SLC31A1: variants seen among roughly 807,000 people sequenced by gnomAD.
SLC31A1 encodes the protein solute carrier family 31 member 1, also known as high affinity copper uptake protein 1.
Under a neutral mutation model 17.2 loss-of-function variants are expected in SLC31A1, and 5 were observed. The ratio of observed to expected loss-of-function variants is 0.29; its 90% CI spans 0.15 to 0.61. The LOEUF (loss-of-function observed/expected upper bound fraction) is 0.61. Among genes scored for constraint, SLC31A1 ranks in the 20% least tolerant of loss-of-function variants. The pLI is 0.86. For missense variants in SLC31A1, 161 were observed against 241.4 expected (o/e 0.67, Z 2.21); for synonymous variants, 76 against 78.8 (o/e 0.96, Z 0.19).
chr9:113,257,676 C>T lies in SLC31A1; in HGVS notation c.202+491C>T, dbSNP rs144329210. Among the ~76,000 whole-genome samples the T allele has an allele frequency of 2.7e-3, 410 of 151,782 alleles. 9 individuals are homozygous for T. The East Asian group carries it at 0.066, about 24-fold the overall frequency. On this transcript the variant is annotated intron_variant, in intron 3 of 4. Transcript: ENST00000374212. ...CTAATTTTTGTATTTTTAATAGAGA[C>T]GGGGTTTTGCCATGTTTGCCAGGCT...
rs1831589883 is a variant in SLC31A1, at chr9:113,247,136, G to A, written c.-35-8978G>A. 3.9e-5 allele frequency among the ~76,000 whole-genome samples: 6 copies of A among 152,138 alleles called. No homozygotes were observed. The South Asian group carries it at 1.2e-3, about 32-fold the overall frequency. On this transcript the variant is annotated intron_variant, in intron 1 of 4. Coordinates refer to ENST00000374212, the MANE Select transcript of SLC31A1 (RefSeq NM_001859.4). ...TACTGTCTTTGACCTTGAATTTTCT[G>A]TATAAGTGCTTGCCAGAAACTTACA...
At chr9:113,257,640 G>A (rs1038825232) in intron 3 of SLC31A1, among the ~76,000 whole-genome samples, 30 of 151,800 alleles carry the variant, frequency 2.0e-4, no homozygotes, top group Non-Finnish European at 3.4e-4. Flanking sequence ...GGCACCTACC[G>A]CCATGCCTGG....
intron 1 of SLC31A1, among the ~76,000 whole-genome samples, chr9:113,240,500 A>T (rs1463803917): frequency 6.6e-6 from 1 of 152,156 alleles, no homozygotes; most frequent in Admixed American, 6.5e-5. Context: ...GTAAGAGAAG[A>T]TTGCTAGGGA....
In SLC31A1 at chr9:113,262,386, A is replaced by G. The variant is rs1831803763; in HGVS notation, c.*1913A>G. On this transcript the variant is annotated 3_prime_UTR_variant, in exon 5 of 5. Coordinates refer to ENST00000374212, the MANE Select transcript of SLC31A1 (RefSeq NM_001859.4). ...TGGTTCAAACTACCTCTTTAAATTGATTTGTCTTGTGCTGGTCTGTTAAAT... is the reference window on the plus strand; with the variant it reads ...TGGTTCAAACTACCTCTTTAAATTGGTTTGTCTTGTGCTGGTCTGTTAAAT... 6.6e-6 allele frequency: 1 copy of G among 152,584 alleles called. No individual in the cohort carries two copies. 9.5% of individuals were successfully genotyped at this position (152,584 alleles called of 1,614,324 possible). A position where few individuals can be genotyped will look rare whatever the true frequency, so the allele number is the denominator to read the frequency against.
At chr9:113,231,153 GA>G (rs1199727353) in intron 1 of SLC31A1, among the ~76,000 whole-genome samples, 1 of 152,130 alleles carries the variant, frequency 6.6e-6, no homozygotes, top group Non-Finnish European at 1.5e-5. Context: ...TTTGGTTCAG[GA>G]AAGGACAAGA....
rs1418357249 is a variant in SLC31A1, at chr9:113,262,507, A to G, written c.*2034A>G. On this transcript the variant is annotated 3_prime_UTR_variant, in exon 5 of 5. Transcript: ENST00000374212. ...CCTGTGTTGTGGTTTTGAAGTTTGTACTTTCTCTGTGGGTGCCAGTTAAAT... is the reference window on the plus strand; with the variant it reads ...CCTGTGTTGTGGTTTTGAAGTTTGTGCTTTCTCTGTGGGTGCCAGTTAAAT... 6.6e-6 allele frequency: 1 copy of G among 152,284 alleles called. No individual in the cohort carries two copies. Among genetic ancestry groups the G allele is most frequent in the African/African-American group, 2.4e-5 (1 of 41,308 alleles). 9.4% of individuals were successfully genotyped at this position (152,284 alleles called of 1,614,324 possible). A position where few individuals can be genotyped will look rare whatever the true frequency, so the allele number is the denominator to read the frequency against.
chr9:113,223,173 A>C (rs763633468), intron 1 of SLC31A1: 2 of 428,698 alleles, frequency 4.7e-6, no homozygotes, highest in South Asian at 3.4e-5. Context: ...AGGAATCCTA[A>C]AATCAATAGC....
intron 1 of SLC31A1, among the ~76,000 whole-genome samples, chr9:113,243,088 G>GT (rs1831538696): frequency 7.3e-6 from 1 of 136,726 alleles, no homozygotes; most frequent in Admixed American, 7.2e-5. Context: ...TTTTTTTTTT[G>GT]TTTAAGTTTT....
At chr9:113,231,023 T>C (rs769287995) in intron 1 of SLC31A1, among the ~76,000 whole-genome samples, 3 of 152,158 alleles carry the variant, frequency 2.0e-5, no homozygotes, top group Non-Finnish European at 4.4e-5. Flanking sequence ...CTTGTTGAGT[T>C]GAATTGAGGT....
At chr9:113,228,183 C>G (rs1395534174) in intron 1 of SLC31A1, among the ~76,000 whole-genome samples, 1 of 152,210 alleles carries the variant, frequency 6.6e-6, no homozygotes, top group Non-Finnish European at 1.5e-5. Flanking sequence ...TTTGATGCCT[C>G]GTGCTGCATG....
chr9:113,236,250 A>G (rs910290244), intron 1 of SLC31A1, among the ~76,000 whole-genome samples: 2 of 152,184 alleles, frequency 1.3e-5, no homozygotes, highest in Non-Finnish European at 2.9e-5. Context: ...GGCCTCCCAA[A>G]GTGCTGGGAT....
intron 1 of SLC31A1, among the ~76,000 whole-genome samples, chr9:113,226,667 CATT>C (rs1258924510): frequency 1.3e-5 from 2 of 151,864 alleles, no homozygotes; most frequent in Admixed American, 1.3e-4. Flanking sequence ...AGGCTTAGGA[CATT>C]ATGAAATACA....
At chr9:113,246,874 A>C (rs541117786) in intron 1 of SLC31A1, among the ~76,000 whole-genome samples, 8 of 149,336 alleles carry the variant, frequency 5.4e-5, no homozygotes, top group Admixed American at 5.3e-4. Context: ...TCCTAGCCTC[A>C]AGTGATTCAC....
At chr9:113,225,502 C>T (rs10981695) in intron 1 of SLC31A1, among the ~76,000 whole-genome samples, 1 of 152,070 alleles carries the variant, frequency 6.6e-6, no homozygotes, top group African/African-American at 2.4e-5. Context: ...TCTAATGGCC[C>T]CTAGAACATG....
chr9:113,256,388 G>A, intron 2 of SLC31A1, 111 bp downstream of exon 2: 1 of 1,275,118 alleles, frequency 7.8e-7, no homozygotes, highest in Non-Finnish European at 1.1e-6. Context: ...GTTTACCAGT[G>A]AGGATAACTA....
intron 1 of SLC31A1, among the ~76,000 whole-genome samples, chr9:113,248,796 G>A (rs564103832): frequency 2.7e-4 from 41 of 152,136 alleles, no homozygotes; most frequent in African/African-American, 6.7e-4. Flanking sequence ...TAGTCTTGAC[G>A]CAAATACTTT....
rs191669857 is a variant in SLC31A1 at position 113,241,763 on chromosome 9, T to C, written c.-35-14351T>C. ...GGGCTCATTAAGCATCTGCAGTTGA[T>C]AAAGATGAGAAGGAATTTTAGAATA... On this transcript the variant is annotated intron_variant, in intron 1 of 4. Transcript: ENST00000374212. Among the ~76,000 whole-genome samples, 5 of 152,324 alleles carry C rather than the reference T, an allele frequency of 3.3e-5. No individual in the cohort carries two copies. In the East Asian group the frequency reaches 9.6e-4, roughly 29 times the overall value.
intron 1 of SLC31A1, among the ~76,000 whole-genome samples, chr9:113,229,356 A>G (rs1324216946): frequency 6.6e-6 from 1 of 152,230 alleles, no homozygotes; most frequent in East Asian, 1.9e-4. Flanking sequence ...GTGTATAAAA[A>G]TAACATGAAC....
intron 1 of SLC31A1, among the ~76,000 whole-genome samples, chr9:113,233,429 G>C (rs1459589836): frequency 6.6e-6 from 1 of 152,164 alleles, no homozygotes; most frequent in Non-Finnish European, 1.5e-5. Context: ...AGGTCAGCTG[G>C]GAACAAATGT....
Sources: allele counts gnomAD v4.1 joint callset (sites outside exome capture counted in the v4.1 genomes callset), GRCh38; gene constraint gnomAD v4.1.1; transcripts MANE v1.5; gene names NCBI Gene and HGNC (gene_info 2026-07-23, HGNC 2026-07-21).